Variants in ERCC6 observed in about 807,000 individuals in gnomAD.
The protein encoded by ERCC6 is DNA excision repair protein ERCC-6.
In ERCC6, 116 loss-of-function variants were observed where a neutral mutation model predicts 158.7. The observed-to-expected ratio is 0.73, with a 90% confidence interval of 0.63 to 0.85. The LOEUF is 0.85. ERCC6 is among the 40% of genes least tolerant of loss of function. The probability of loss-of-function intolerance (pLI) is 0.00; values close to 1 mark genes in which losing one functional copy is unlikely to be tolerated. For synonymous variants in ERCC6, 678 were observed against 659.3 expected (o/e 1.03, Z -0.43); for missense variants, 1,698 against 1,799.4 (o/e 0.94, Z 1.02).
At chr10:49,501,673 G>C (rs764585949) in intron 6 of ERCC6, 4 of 152,092 alleles carry the variant, frequency 2.6e-5, no homozygotes, top group Non-Finnish European at 5.9e-5. Context: ...AAAGATGATA[G>C]GTTAGATGAG....
At chr10:49,436,935 C>T in the ERCC6 span, among the ~76,000 whole-genome samples, 1 of 152,058 alleles carries the variant, frequency 6.6e-6, no homozygotes, top group Non-Finnish European at 1.5e-5. Flanking sequence ...CATGGTGAAA[C>T]TTAAAAGTAC....
downstream of ERCC6, among the ~76,000 whole-genome samples, chr10:49,451,744 G>C (rs1232226299): frequency 6.6e-6 from 1 of 152,118 alleles, no homozygotes; most frequent in African/African-American, 2.4e-5. Flanking sequence ...TCTTTGAGCA[G>C]TTTTGTTATC....
chr10:49,438,313 G>C, the ERCC6 span, among the ~76,000 whole-genome samples: 3 of 152,266 alleles, frequency 2.0e-5, no homozygotes, highest in East Asian at 3.9e-4. Flanking sequence ...TACATGGCTG[G>C]GGAGGCCTCA....
At chr10:49,539,242 C>T (rs191665343), upstream of ERCC6, among the ~76,000 whole-genome samples, 34 of 152,378 alleles carry the variant, frequency 2.2e-4, no homozygotes, top group Middle Eastern at 0.017. Flanking sequence ...TCTCCGCTGC[C>T]GGTCAGCTGG....
At chr10:49,447,423 C>T in the ERCC6 span, among the ~76,000 whole-genome samples, 2 of 152,286 alleles carry the variant, frequency 1.3e-5, no homozygotes, top group Admixed American at 1.3e-4. Context: ...CGTGGTGGCT[C>T]ACGCCTGTAA....
At chr10:49,483,585 T>C in intron 8 of ERCC6, 69 bp from the exon 9 acceptor site, 1 of 1,449,372 alleles carries the variant, frequency 6.9e-7, no homozygotes, top group Non-Finnish European at 9.7e-7. Flanking sequence ...CATGACACAA[T>C]CTAAAGTACT....
chr10:49,459,135 A>T lies in ERCC6; in HGVS notation c.4162T>A (p.Ser1388Thr). Residue 1388 changes from serine to threonine, a missense_variant, in exon 21 of 21, where the codon TCA becomes ACA. Physicochemically the swap from Ser to Thr is moderately conservative, Grantham distance 58. Coordinates refer to ENST00000355832, the MANE Select transcript of ERCC6 (RefSeq NM_000124.4). Reference sequence around the variant, plus strand: ...CTAGCTCTCATTTTAGCCAAGAGTGAGGAGGAAGCGAGGGGCCCGGATGAA... The same window carrying T: ...CTAGCTCTCATTTTAGCCAAGAGTGTGGAGGAAGCGAGGGGCCCGGATGAA... ...DSSSGPLASS[S>T]LLAKMRARNH... is the part of the protein sequence containing the mutation. 6.2e-7 allele frequency: 1 copy of T among 1,614,230 alleles called. No individual in the cohort carries two copies. Among genetic ancestry groups the T allele is most frequent in the East Asian group, 2.2e-5 (1 of 44,892 alleles).
At chr10:49,441,869 A>G in the ERCC6 span, among the ~76,000 whole-genome samples, 2 of 152,244 alleles carry the variant, frequency 1.3e-5, no homozygotes, top group African/African-American at 2.4e-5. Context: ...CAGCATATGC[A>G]AGAACCAGAC....
chr10:49,485,291 G>A (rs1483506079), intron 8 of ERCC6, among the ~76,000 whole-genome samples: 1 of 152,314 alleles, frequency 6.6e-6, no homozygotes, highest in South Asian at 2.1e-4. Flanking sequence ...AAGTGGTGGA[G>A]TCAGAATTCG....
At chr10:49,530,601 T>C (rs1837446363) in intron 3 of ERCC6, 119 bp downstream of exon 3, 1 of 1,482,124 alleles carries the variant, frequency 6.7e-7, no homozygotes, top group African/African-American at 1.4e-5. Flanking sequence ...AATTTCTCTA[T>C]TGTAATTATA....
At chr10:49,484,112 C>T (rs567191757) in intron 8 of ERCC6, among the ~76,000 whole-genome samples, 2 of 151,292 alleles carry the variant, frequency 1.3e-5, no homozygotes, top group African/African-American at 4.8e-5. Context: ...AAGCCTATCT[C>T]TAAAAAAAAA....
At chr10:49,462,890 G>C (rs977469212) in intron 18 of ERCC6, among the ~76,000 whole-genome samples, 17 of 152,206 alleles carry the variant, frequency 1.1e-4, no homozygotes, top group Non-Finnish European at 2.5e-4. Flanking sequence ...ACAAAAGGGA[G>C]TTGGGCATTA....
At chr10:49,462,273 A>G (rs1273435385) in intron 18 of ERCC6, among the ~76,000 whole-genome samples, 1 of 152,178 alleles carries the variant, frequency 6.6e-6, no homozygotes, top group Non-Finnish European at 1.5e-5. Context: ...AGAAAAACTT[A>G]TTTGAAATAA....
chr10:49,494,681 C>G (rs1851234769), intron 7 of ERCC6, among the ~76,000 whole-genome samples: 1 of 152,176 alleles, frequency 6.6e-6, no homozygotes, highest in East Asian at 1.9e-4. Context: ...GAAACTCTCA[C>G]TAGTCCATGA....
Position 49,532,923 on chromosome 10 carries a change from C to G in ERCC6, c.42G>C (p.Glu14Asp), listed in dbSNP as rs1182304442. ...EGIPHSSQTQEQDCLQSQPVS... is the reference protein window; with the variant it reads ...EGIPHSSQTQDQDCLQSQPVS... ...CAGGTTGACTCTGTAAACAGTCTTG[C>G]TCCTGAGTTTGACTTGAGTGGGGGA... The change falls in exon 2 of 21, where the codon GAG becomes GAC. Residue 14 changes from glutamate (E) to aspartate (D), a missense_variant. Coordinates refer to ENST00000355832, the MANE Select transcript of ERCC6 (RefSeq NM_000124.4). 1 of 1,614,200 alleles carries G rather than the reference C, an allele frequency of 6.2e-7. No individual in the cohort carries two copies. Among genetic ancestry groups the G allele is most frequent in the Non-Finnish European group, 8.5e-7 (1 of 1,180,040 alleles).
At chr10:49,529,156 G>A (rs974984997) in intron 3 of ERCC6, among the ~76,000 whole-genome samples, 3 of 152,190 alleles carry the variant, frequency 2.0e-5, no homozygotes, top group Non-Finnish European at 4.4e-5. Flanking sequence ...GCTTCACTGG[G>A]GAGGCCCAAT....
At chr10:49,518,570 C>T (rs779845499) in intron 5 of ERCC6, among the ~76,000 whole-genome samples, 1 of 152,184 alleles carries the variant, frequency 6.6e-6, no homozygotes, top group Non-Finnish European at 1.5e-5. Flanking sequence ...CGCCCCTGCC[C>T]CCACCTCCAC....
At chr10:49,471,265 A>G (rs1850774967) in intron 16 of ERCC6, 145 bp from the exon 17 acceptor site, 2 of 763,054 alleles carry the variant, frequency 2.6e-6, no homozygotes, top group Non-Finnish European at 4.3e-6. Context: ...TTGGAAAATT[A>G]CAATTCAGGA....
At chr10:49,484,472 G>A (rs1851041714) in intron 8 of ERCC6, among the ~76,000 whole-genome samples, 2 of 152,054 alleles carry the variant, frequency 1.3e-5, no homozygotes, top group Non-Finnish European at 2.9e-5. Flanking sequence ...AGGCAAAGTG[G>A]CTTATGTCTG....
Sources: gnomAD v4.1 joint callset for allele counts (sites outside exome capture counted in the v4.1 genomes callset) on GRCh38, gnomAD v4.1.1 for gene constraint, MANE v1.5 for transcripts, NCBI Gene and HGNC (gene_info 2026-07-23, HGNC 2026-07-21) for gene names.